Variants in CRACD observed in about 807,000 individuals in gnomAD.
CRACD encodes capping protein inhibiting regulator of actin dynamics.
Under a neutral mutation model 106.8 loss-of-function variants are expected in CRACD, and 56 were observed. The observed-to-expected ratio is 0.52, with a 90% confidence interval of 0.42 to 0.66. CRACD has a LOEUF of 0.66. Among genes scored for constraint, CRACD ranks in the 30% least tolerant of loss-of-function variants. The probability of loss-of-function intolerance (pLI) is 0.00; values close to 1 mark genes in which losing one functional copy is unlikely to be tolerated. For missense variants in CRACD, 1,730 were observed against 1,623.2 expected (o/e 1.07, Z -1.13); for synonymous variants, 754 against 670.8 (o/e 1.12, Z -1.92).
intron 1 of CRACD, among the ~76,000 whole-genome samples, chr4:56,177,374 A>G (rs114180475): frequency 0.014 from 2,069 of 152,274 alleles, 35 homozygotes; most frequent in African/African-American, 0.047. Context: ...TGATTTGTGT[A>G]TGTTGAACCA....
chr4:56,151,308 G>A (rs964771271), intron 1 of CRACD, among the ~76,000 whole-genome samples: 8 of 152,022 alleles, frequency 5.3e-5, no homozygotes, highest in African/African-American at 1.9e-4. Flanking sequence ...CGGGTATGAG[G>A]GTTTTCATAT....
Position 56,277,672 on chromosome 4 carries a change from A to G in CRACD, c.-17+5180A>G, listed in dbSNP as rs139533154. Among the ~76,000 whole-genome samples, 123 of 152,328 alleles carry G rather than the reference A, an allele frequency of 8.1e-4. 1 individual carries two copies. Among genetic ancestry groups the G allele is most frequent in the African/African-American group, 2.8e-3 (115 of 41,592 alleles). On this transcript the variant is annotated intron_variant, in intron 3 of 10. Transcript: ENST00000682029. ...GTTGGCTATAGCTGGGACATTTAGA[A>G]AAGAAAAAGAAATAAGAGGCATTAA...
intron 2 of CRACD, among the ~76,000 whole-genome samples, chr4:56,198,793 G>A (rs1737742506): frequency 6.6e-6 from 1 of 152,078 alleles, no homozygotes; most frequent in South Asian, 2.1e-4. Flanking sequence ...AAAATAAACG[G>A]TGTAGAAAAA....
At chr4:56,319,357 C>A (rs1745899484) in intron 8 of CRACD, among the ~76,000 whole-genome samples, 1 of 152,148 alleles carries the variant, frequency 6.6e-6, no homozygotes, top group Non-Finnish European at 1.5e-5. Context: ...GTAATCCCAG[C>A]ACTTTGGGAG....
At chr4:56,235,826 C>T (rs1000680307) in intron 2 of CRACD, among the ~76,000 whole-genome samples, 3 of 152,108 alleles carry the variant, frequency 2.0e-5, no homozygotes, top group South Asian at 2.1e-4. Context: ...TCTATATCTG[C>T]GTAGATGCAC....
chr4:56,082,841 A>G lies in CRACD; in HGVS notation c.-336+33542A>G, dbSNP rs185676791. On this transcript the variant is annotated intron_variant, in intron 1 of 10. Coordinates refer to ENST00000682029, the MANE Select transcript of CRACD (RefSeq NM_001393381.1). ...CAAATTCTGTTTAGTAAATTAAAAA[A>G]AAAAGTATTATAAATGTATAGTTGT... is the stretch of plus-strand genomic sequence containing the variant. Among the ~76,000 whole-genome samples the G allele has an allele frequency of 1.3e-3, 199 of 152,326 alleles. 1 individual carries two copies. The Middle Eastern group carries it at 0.027, about 21-fold the overall frequency.
intron 1 of CRACD, among the ~76,000 whole-genome samples, chr4:56,108,589 G>T (rs562708992): frequency 5.3e-5 from 8 of 152,228 alleles, no homozygotes; most frequent in Admixed American, 3.9e-4. Flanking sequence ...CCACCAAGAC[G>T]TGGAGACCGG....
chr4:56,210,716 T>C (rs947411722), intron 2 of CRACD, among the ~76,000 whole-genome samples: 9 of 152,226 alleles, frequency 5.9e-5, no homozygotes, highest in Non-Finnish European at 7.3e-5. Flanking sequence ...AGATTTCCTT[T>C]ATAGATGTAA....
intron 4 of CRACD, among the ~76,000 whole-genome samples, chr4:56,306,794 A>G (rs1324493183): frequency 1.3e-5 from 2 of 152,136 alleles, no homozygotes; most frequent in African/African-American, 4.8e-5. Context: ...ACTCACCAGT[A>G]GTCAGTCCCT....
intron 4 of CRACD, among the ~76,000 whole-genome samples, chr4:56,304,453 A>G (rs1243851631): frequency 2.0e-5 from 3 of 151,876 alleles, no homozygotes; most frequent in East Asian, 3.9e-4. Context: ...ATCAGGATGG[A>G]CCAACATGAG....
intron 1 of CRACD, among the ~76,000 whole-genome samples, chr4:56,064,790 G>T (rs986724048): frequency 6.6e-6 from 1 of 151,932 alleles, no homozygotes; most frequent in Non-Finnish European, 1.5e-5. Flanking sequence ...CTAATTCTTT[G>T]TTTCATTCAT....
chr4:56,272,976 G>T (rs912540022), intron 3 of CRACD, among the ~76,000 whole-genome samples: 2 of 151,614 alleles, frequency 1.3e-5, no homozygotes, highest in Non-Finnish European at 2.9e-5. Flanking sequence ...GCATGGAGAA[G>T]TCACCTTGGG....
intron 1 of CRACD, among the ~76,000 whole-genome samples, chr4:56,138,709 C>T (rs1020034809): frequency 7.2e-5 from 11 of 152,158 alleles, no homozygotes; most frequent in African/African-American, 2.7e-4. Context: ...GTTATCATCC[C>T]GCATCAGGAG....
chr4:56,149,588 G>A (rs1397379685), intron 1 of CRACD, among the ~76,000 whole-genome samples: 1 of 152,178 alleles, frequency 6.6e-6, no homozygotes, highest in African/African-American at 2.4e-5. Flanking sequence ...GAGATTTGGG[G>A]GGAGAGCACA....
At chr4:56,099,899 T>A (rs1399007204) in intron 1 of CRACD, among the ~76,000 whole-genome samples, 1 of 152,186 alleles carries the variant, frequency 6.6e-6, no homozygotes, top group Non-Finnish European at 1.5e-5. Flanking sequence ...CAGTTGTGTG[T>A]TGTTTTTCCA....
chr4:56,060,155 C>T (rs1442567429), intron 1 of CRACD, among the ~76,000 whole-genome samples: 2 of 152,162 alleles, frequency 1.3e-5, no homozygotes, highest in Non-Finnish European at 2.9e-5. Context: ...GTCATCGGTG[C>T]AGTCAGTTAG....
chr4:56,089,001 A>T (rs960754981), intron 1 of CRACD, among the ~76,000 whole-genome samples: 1 of 152,246 alleles, frequency 6.6e-6, no homozygotes, highest in African/African-American at 2.4e-5. Flanking sequence ...CTGGGATTAT[A>T]GGCATGAGCC....
At chr4:56,253,830 TG>T (rs1299029818) in intron 2 of CRACD, among the ~76,000 whole-genome samples, 1 of 152,234 alleles carries the variant, frequency 6.6e-6, no homozygotes, top group East Asian at 1.9e-4. Flanking sequence ...CTAAGTCACC[TG>T]TCACCATAGA....
intron 2 of CRACD, among the ~76,000 whole-genome samples, chr4:56,264,832 T>C (rs1477154385): frequency 6.6e-6 from 1 of 152,252 alleles, no homozygotes; most frequent in African/African-American, 2.4e-5. Context: ...CAAATGTCCA[T>C]GAAATCTTCA....
Sources: allele counts gnomAD v4.1 joint callset (sites outside exome capture counted in the v4.1 genomes callset), GRCh38; gene constraint gnomAD v4.1.1; transcripts MANE v1.5; gene names NCBI Gene and HGNC (gene_info 2026-07-23, HGNC 2026-07-21).